The following PRSS35 variants were observed in gnomAD, a reference collection of about 807,000 sequenced individuals.
PRSS35 encodes the protein inactive serine protease 35.
In PRSS35, 7 loss-of-function variants were observed where a neutral mutation model predicts 8.1. The ratio of observed to expected loss-of-function variants is 0.86; its 90% CI spans 0.49 to 1.62. The LOEUF is 1.62. Among genes scored for constraint, PRSS35 ranks in the 40% most tolerant of loss-of-function variants. PRSS35 has a pLI of 0.00. For synonymous variants in PRSS35, 199 were observed against 188.7 expected, an observed-to-expected ratio of 1.05 and a Z score of -0.45; for missense variants, 566 against 518.0, an observed-to-expected ratio of 1.09 and a Z score of -0.90.
In PRSS35 at chr6:83,523,976, A is replaced by C. The variant is rs1771875519; in HGVS notation, c.535A>C (p.Lys179Gln). 6.2e-7 allele frequency: 1 copy of C among 1,614,192 alleles called. No homozygotes were observed. Among genetic ancestry groups the C allele is most frequent in the African/African-American group, 1.3e-5 (1 of 75,036 alleles). Reference sequence around the variant, plus strand: ...TGTTCATGATGGAAAGGACTATGTCAAAGGGAGTAAAAAGCTAAGGGTAGG... The same window carrying C: ...TGTTCATGATGGAAAGGACTATGTCCAAGGGAGTAAAAAGCTAAGGGTAGG... Reference protein sequence around the residue: ...HCVHDGKDYVKGSKKLRVGLL... With the variant: ...HCVHDGKDYVQGSKKLRVGLL... Residue 179 changes from lysine (K) to glutamine (Q), a missense_variant, in exon 2 of 2, where the codon AAA (lysine) becomes CAA (glutamine). By Grantham distance (53) the Lys-to-Gln change is moderately conservative. Transcript: ENST00000369700.
intron 1 of PRSS35, among the ~76,000 whole-genome samples, chr6:83,520,681 A>G (rs921705418): frequency 6.6e-6 from 1 of 152,242 alleles, no homozygotes; most frequent in Admixed American, 6.5e-5. Context: ...GAAAATTTCC[A>G]AAGTATTGTC....
rs765894386 is a variant in PRSS35, at chr6:83,523,489, C to A, written c.48C>A (p.Thr16=). ...LWLIFFTPGW[T]LIDGSEMEWD... is the part of the protein sequence containing the mutation. ...TGATATTTTTCACCCCTGGGTGGAC[C>A]CTCATTGATGGATCTGAAATGGAAT... The change falls in exon 2 of 2, where the codon ACC becomes ACA. Residue 16 remains threonine (T), a synonymous_variant. Coordinates refer to ENST00000369700, the MANE Select transcript of PRSS35 (RefSeq NM_153362.3). 2.5e-6 allele frequency: 4 copies of A among 1,613,878 alleles called. No individual in the cohort carries two copies. The Admixed American group carries it at 6.7e-5, about 27-fold the overall frequency.
At chr6:83,520,546 C>T (rs907324394) in intron 1 of PRSS35, among the ~76,000 whole-genome samples, 8 of 152,264 alleles carry the variant, frequency 5.3e-5, no homozygotes, top group Admixed American at 6.5e-5. Context: ...TCTCAACCAC[C>T]GTTCGTAACT....
chr6:83,513,816 A>C (rs1167174458), intron 1 of PRSS35, among the ~76,000 whole-genome samples: 1 of 152,234 alleles, frequency 6.6e-6, no homozygotes, highest in African/African-American at 2.4e-5. Flanking sequence ...CTTGGCATAC[A>C]GTATGTGTTC....
Position 83,523,829 on chromosome 6 carries a change from A to C in PRSS35, c.388A>C (p.Arg130=). The C allele has an allele frequency of 6.2e-7, 1 of 1,614,248 alleles. No individual in the cohort carries two copies. Among genetic ancestry groups the C allele is most frequent in the Non-Finnish European group, 8.5e-7 (1 of 1,180,050 alleles). Residue 130 remains arginine, a synonymous_variant, in exon 2 of 2, where the codon AGG becomes CGG. Transcript: ENST00000369700. ...RKRQVYGTDS[R]FSILDKRFLT... ...GAGACAGGTGTATGGCACCGACAGC[A>C]GGTTCAGCATCTTGGACAAAAGGTT...
chr6:83,518,608 A>T (rs1771765679), intron 1 of PRSS35, among the ~76,000 whole-genome samples: 1 of 152,204 alleles, frequency 6.6e-6, no homozygotes. Context: ...AACGAAAAAC[A>T]AAACAAAGAA....
intron 1 of PRSS35, among the ~76,000 whole-genome samples, chr6:83,517,465 AACTG>A (rs1369378351): frequency 1.3e-5 from 2 of 152,206 alleles, no homozygotes; most frequent in East Asian, 3.8e-4. Context: ...CCCCAAATAA[AACTG>A]ACTATGAAAG....
chr6:83,521,360 A>G (rs970066497), intron 1 of PRSS35, among the ~76,000 whole-genome samples: 3 of 152,120 alleles, frequency 2.0e-5, no homozygotes, highest in Non-Finnish European at 4.4e-5. Flanking sequence ...ATTGCATAGA[A>G]GACAAAATAA....
rs762831623 is a variant in PRSS35, at chr6:83,524,635, G to C, written c.1194G>C (p.Gln398His). Reference sequence around the variant, plus strand: ...GCATCACTCCCCTAAAATACGCCCAGATTTGCCTCTGGATTCACGGGAACG... The same window carrying C: ...GCATCACTCCCCTAAAATACGCCCACATTTGCCTCTGGATTCACGGGAACG... ...AVRITPLKYA[Q>H]ICLWIHGNDA... is the part of the protein sequence containing the mutation. Residue 398 changes from glutamine (Q) to histidine (H), a missense_variant, in exon 2 of 2, where the codon CAG becomes CAC. By Grantham distance (24) the Gln-to-His change is conservative (BLOSUM62 0). Coordinates refer to ENST00000369700, the MANE Select transcript of PRSS35 (RefSeq NM_153362.3). 2 of 1,613,724 alleles carry C rather than the reference G, an allele frequency of 1.2e-6. No homozygotes were observed. The highest frequency in any genetic ancestry group is 1.1e-5 in the South Asian group (1 of 90,948).
chr6:83,523,429 T>A lies in PRSS35; in HGVS notation c.-13T>A. The A allele has an allele frequency of 6.3e-7, 1 of 1,596,968 alleles. No individual in the cohort carries two copies. The highest frequency in any genetic ancestry group is 8.5e-7 in the Non-Finnish European group (1 of 1,172,386). On this transcript the variant is annotated 5_prime_UTR_variant, in exon 2 of 2. Transcript: ENST00000369700. The stretch of plus-strand genomic sequence containing the variant: ...TCTTTTTCTATTTTTAAGGACAAAA[T>A]TAGAAGATCAAAATGGAAAATATGC...
chr6:83,516,799 T>C (rs1019972674), intron 1 of PRSS35, among the ~76,000 whole-genome samples: 4 of 152,164 alleles, frequency 2.6e-5, no homozygotes, highest in African/African-American at 7.2e-5. Flanking sequence ...CTTACATCTA[T>C]CAGCTCTTCC....
In PRSS35 at chr6:83,524,614, C is replaced by T; in HGVS notation, c.1173C>T (p.Ile391=). Residue 391 remains isoleucine (I), a synonymous_variant, in exon 2 of 2, where the codon ATC becomes ATT. Transcript: ENST00000369700. ...AGGACTACAACGTTGCTGTTCGCAT[C>T]ACTCCCCTAAAATACGCCCAGATTT... The part of the protein sequence containing the change: ...VQKDYNVAVR[I]TPLKYAQICL... 1 of 1,614,064 alleles carries T rather than the reference C, an allele frequency of 6.2e-7. No individual in the cohort carries two copies. The highest frequency in any genetic ancestry group is 8.5e-7 in the Non-Finnish European group (1 of 1,180,004).
chr6:83,514,414 G>A (rs1771676565), intron 1 of PRSS35, among the ~76,000 whole-genome samples: 1 of 152,102 alleles, frequency 6.6e-6, no homozygotes, highest in South Asian at 2.1e-4. Context: ...AGAAGTTGTG[G>A]GTTACTGTAA....
intron 1 of PRSS35, among the ~76,000 whole-genome samples, chr6:83,521,403 G>T (rs145057749): frequency 2.1e-4 from 32 of 152,090 alleles, no homozygotes; most frequent in African/African-American, 7.5e-4. Context: ...CAAAATCCTT[G>T]ATGATATAAT....
At chr6:83,515,188 G>T (rs1175316547) in intron 1 of PRSS35, among the ~76,000 whole-genome samples, 1 of 152,144 alleles carries the variant, frequency 6.6e-6, no homozygotes, top group Non-Finnish European at 1.5e-5. Flanking sequence ...GAACTTTAAA[G>T]CTGGAAGAAA....
intron 1 of PRSS35, among the ~76,000 whole-genome samples, chr6:83,515,849 T>A (rs1333373652): frequency 6.6e-6 from 1 of 151,320 alleles, no homozygotes; most frequent in Non-Finnish European, 1.5e-5. Flanking sequence ...GGAGTCTCGC[T>A]CTGTTGCCCA....
intron 1 of PRSS35, among the ~76,000 whole-genome samples, chr6:83,517,679 A>G (rs1771748938): frequency 6.6e-6 from 1 of 152,212 alleles, no homozygotes; most frequent in African/African-American, 2.4e-5. Context: ...GGATGAAAGT[A>G]GAGGAGGAAA....
At position 83,523,878 on chromosome 6, in the gene PRSS35, C is replaced by T. The variant is rs1169351727; in HGVS notation, c.437C>T (p.Thr146Ile). 2 of 1,614,202 alleles carry T rather than the reference C, an allele frequency of 1.2e-6. No individual in the cohort carries two copies. The highest frequency in any genetic ancestry group is 2.2e-5 in the East Asian group (1 of 44,886). The part of the protein sequence containing the change: ...KRFLTNFPFS[T>I]AVKLSTGCSG... ...TTCTTAACCAATTTCCCTTTCAGCA[C>T]AGCTGTGAAGCTTTCCACGGGCTGT... The change falls in exon 2 of 2, where the codon ACA becomes ATA. Residue 146 changes from threonine (T) to isoleucine (I), a missense_variant. Transcript: ENST00000369700.
At chr6:83,514,175 T>G (rs542743641) in intron 1 of PRSS35, among the ~76,000 whole-genome samples, 2 of 152,188 alleles carry the variant, frequency 1.3e-5, no homozygotes, top group African/African-American at 4.8e-5. Flanking sequence ...CATACCTATT[T>G]ATAGATATTC....
Sources: allele counts gnomAD v4.1 joint callset (sites outside exome capture counted in the v4.1 genomes callset), GRCh38; gene constraint gnomAD v4.1.1; transcripts MANE v1.5; gene names NCBI Gene and HGNC (gene_info 2026-07-23, HGNC 2026-07-21).